The following KRABD3 variants were observed in gnomAD, a reference collection of about 807,000 sequenced individuals.
KRABD3 encodes KRAB domain containing 3, also known as KRAB domain-containing protein 3.
the KRABD3 span, among the ~76,000 whole-genome samples, chr7:149,725,104 C>T: frequency 6.6e-6 from 1 of 152,236 alleles, no homozygotes; most frequent in African/African-American, 2.4e-5. Flanking sequence ...CCTCCTCACT[C>T]CCCTCCTGTC....
chr7:149,726,357 G>A, the KRABD3 span, among the ~76,000 whole-genome samples: 1 of 152,216 alleles, frequency 6.6e-6, no homozygotes, highest in East Asian at 1.9e-4. Flanking sequence ...AGCACTTTGG[G>A]AGGCTGAGGC....
the KRABD3 span, chr7:149,715,261 G>T: frequency 8.2e-7 from 1 of 1,219,618 alleles, no homozygotes; most frequent in South Asian, 4.3e-5. Context: ...GGTACCCACG[G>T]CCCAGTCTCC....
the KRABD3 span, chr7:149,725,336 C>T: frequency 1.5e-5 from 24 of 1,595,604 alleles, no homozygotes; most frequent in African/African-American, 5.4e-5. Flanking sequence ...TCAAGCTCAC[C>T]GCTGGAAGCC....
the KRABD3 span, chr7:149,726,149 C>A: frequency 8.3e-7 from 1 of 1,199,258 alleles, no homozygotes; most frequent in Non-Finnish European, 1.2e-6. Context: ...TGGGTCAGAC[C>A]CCCATGCCCG....
chr7:149,716,285 G>A, the KRABD3 span, among the ~76,000 whole-genome samples: 3 of 152,236 alleles, frequency 2.0e-5, no homozygotes, highest in Non-Finnish European at 4.4e-5. Flanking sequence ...GAAGGGTGAT[G>A]TTAGGAGGAC....
At chr7:149,724,606 G>A in the KRABD3 span, 1 of 1,362,444 alleles carries the variant, frequency 7.3e-7, no homozygotes, top group South Asian at 1.7e-5. Context: ...TTCTCAGGGT[G>A]AGTCCAGGCC....
chr7:149,732,610 C>CTTT, the KRABD3 span, among the ~76,000 whole-genome samples: 5,664 of 151,294 alleles, frequency 0.037, 142 homozygotes, highest in South Asian at 0.073. This position sits in a 1 kb window ranked among gnomAD's most constrained non-coding sequence, Gnocchi z 4.0. Flanking sequence ...ATTAGGTGAT[C>CTTT]TTTTTTTAAA....
At chr7:149,731,693 C>T in the KRABD3 span, 18 of 1,611,052 alleles carry the variant, frequency 1.1e-5, no homozygotes, top group African/African-American at 6.7e-5. Context: ...GATCCCTGCC[C>T]GGTTTCTCAG....
chr7:149,727,148 C>A, the KRABD3 span, among the ~76,000 whole-genome samples: 2 of 152,132 alleles, frequency 1.3e-5, no homozygotes, highest in Admixed American at 1.3e-4. Context: ...TTTATTTCCC[C>A]CACCTGGTTA....
At chr7:149,720,601 T>C in the KRABD3 span, among the ~76,000 whole-genome samples, 49 of 152,292 alleles carry the variant, frequency 3.2e-4, no homozygotes, top group East Asian at 6.2e-3. Context: ...ATGAGTAACG[T>C]AGAACAGAGG....
the KRABD3 span, chr7:149,728,721 A>G: frequency 1.9e-6 from 3 of 1,589,388 alleles, no homozygotes; most frequent in East Asian, 4.5e-5. Flanking sequence ...GGCTGCTCTG[A>G]GGATGCCCTA....
At chr7:149,733,959 C>T in the KRABD3 span, 44 of 1,603,534 alleles carry the variant, frequency 2.7e-5, no homozygotes, top group Non-Finnish European at 3.1e-5. Context: ...CCCAAGGAGC[C>T]GAGCAGCCTG....
At chr7:149,721,766 G>C in the KRABD3 span, 2 of 681,754 alleles carry the variant, frequency 2.9e-6, no homozygotes, top group East Asian at 2.8e-5. Flanking sequence ...CTGTCATCCC[G>C]CCCCGATCAC....
At chr7:149,719,446 T>C in the KRABD3 span, 4 of 1,254,626 alleles carry the variant, frequency 3.2e-6, no homozygotes, top group East Asian at 2.6e-5. The surrounding 1 kb of genome is among the most constrained non-coding windows in gnomAD (Gnocchi z 5.6). Context: ...TATCCTGGAG[T>C]GTGCGCCTGG....
At chr7:149,730,301 C>T in the KRABD3 span, 12 of 1,549,416 alleles carry the variant, frequency 7.7e-6, no homozygotes, top group Non-Finnish European at 1.0e-5. Flanking sequence ...AAGGAGAAGA[C>T]CCGAGGCCAG....
At chr7:149,729,530 C>T in the KRABD3 span, 38 of 985,348 alleles carry the variant, frequency 3.9e-5, no homozygotes, top group Non-Finnish European at 4.3e-5. Context: ...GTTCGCTAAA[C>T]AAGAAGATAA....
the KRABD3 span, among the ~76,000 whole-genome samples, chr7:149,721,188 G>T: frequency 5.5e-4 from 83 of 152,290 alleles, 1 homozygote; most frequent in Middle Eastern, 3.4e-3. Context: ...TCTGACTTTC[G>T]CATGGTGGTT....
the KRABD3 span, chr7:149,734,001 A>G: frequency 2.6e-5 from 42 of 1,611,248 alleles, no homozygotes; most frequent in Admixed American, 3.3e-5. Context: ...CTCCAGGAAG[A>G]ACTGTGGGGT....
At chr7:149,731,825 GC>G in the KRABD3 span, 20 of 1,441,718 alleles carry the variant, frequency 1.4e-5, no homozygotes, top group Non-Finnish European at 1.9e-5. Flanking sequence ...AGGACCCAGA[GC>G]CCCAGCTTGG....
Sources: gnomAD v4.1 joint callset for allele counts (sites outside exome capture counted in the v4.1 genomes callset) on GRCh38, gnomAD v4.1.1 for gene constraint, Gnocchi (gnomAD v3.1) non-coding constraint, MANE v1.5 for transcripts, NCBI Gene and HGNC (gene_info 2026-07-23, HGNC 2026-07-21) for gene names.